The following HIVEP3 variants were observed in gnomAD, a reference collection of about 807,000 sequenced individuals.
HIVEP3 encodes HIVEP zinc finger 3.
HIVEP3 carries 49 observed loss-of-function variants against 152.8 expected under a neutral mutation model. That is an observed-to-expected ratio of 0.32 (90% confidence interval 0.26 to 0.41). The LOEUF (loss-of-function observed/expected upper bound fraction) is 0.41. Among genes scored for constraint, HIVEP3 ranks in the 10% least tolerant of loss-of-function variants. The pLI is 1.00. For synonymous variants in HIVEP3, 1,269 were observed against 1,289.0 expected (o/e 0.98, Z 0.33); for missense variants, 2,790 against 3,103.3 (o/e 0.90, Z 2.40).
At chr1:41,759,640 T>C (rs985661134) in intron 1 of HIVEP3, among the ~76,000 whole-genome samples, 1 of 152,222 alleles carries the variant, frequency 6.6e-6, no homozygotes. Context: ...CCACACTCAC[T>C]CTTATAAGGC....
chr1:41,569,111 C>T (rs565886298), intron 5 of HIVEP3, among the ~76,000 whole-genome samples: 97 of 152,286 alleles, frequency 6.4e-4, no homozygotes, highest in Middle Eastern at 6.8e-3. Context: ...CCCCAGAAGC[C>T]GAGCAGATGC....
At chr1:41,806,680 T>C (rs534041535) in intron 1 of HIVEP3, among the ~76,000 whole-genome samples, 2 of 152,290 alleles carry the variant, frequency 1.3e-5, no homozygotes, top group South Asian at 4.1e-4. Context: ...GGGGAAACTG[T>C]GCTTCCCCTC....
At chr1:41,857,372 T>A (rs1365650790) in intron 1 of HIVEP3, among the ~76,000 whole-genome samples, 2 of 152,150 alleles carry the variant, frequency 1.3e-5, no homozygotes, top group Non-Finnish European at 2.9e-5. Flanking sequence ...AGAGGGTTGG[T>A]CTGATGGTAT....
intron 1 of HIVEP3, among the ~76,000 whole-genome samples, chr1:41,967,155 A>G (rs1645203483): frequency 1.3e-5 from 2 of 152,224 alleles, no homozygotes; most frequent in Admixed American, 1.3e-4. Flanking sequence ...GAAAATTAAT[A>G]AAGATATTCA....
At chr1:41,920,270 C>T (rs766031535), upstream of HIVEP3, among the ~76,000 whole-genome samples, 42 of 152,300 alleles carry the variant, frequency 2.8e-4, no homozygotes, top group Non-Finnish European at 5.9e-4. Flanking sequence ...CTGGCTCTCC[C>T]GCGGCCACCA....
chr1:41,919,419 C>G (rs559986755), upstream of HIVEP3, among the ~76,000 whole-genome samples: 23 of 152,324 alleles, frequency 1.5e-4, no homozygotes, highest in East Asian at 3.3e-3. Context: ...TTGCCCTGCC[C>G]TGCCTTGCTC....
intron 1 of HIVEP3, among the ~76,000 whole-genome samples, chr1:41,850,161 C>G (rs1007676306): frequency 6.6e-6 from 1 of 152,186 alleles, no homozygotes; most frequent in Non-Finnish European, 1.5e-5. Context: ...AACAAGTTCC[C>G]AAGCCCAGCT....
chr1:41,837,622 G>A (rs1018951700), intron 1 of HIVEP3, among the ~76,000 whole-genome samples: 11 of 152,144 alleles, frequency 7.2e-5, no homozygotes, highest in South Asian at 4.1e-4. Context: ...CACCACGCCC[G>A]GCCTGCTCTT....
chr1:41,809,846 A>G (rs1052699473), intron 1 of HIVEP3, among the ~76,000 whole-genome samples: 12 of 152,164 alleles, frequency 7.9e-5, no homozygotes, highest in Non-Finnish European at 1.6e-4. Flanking sequence ...CTGAGAATAA[A>G]TCTGCTGACA....
intron 1 of HIVEP3, among the ~76,000 whole-genome samples, chr1:42,005,175 T>C (rs1342307115): frequency 6.6e-6 from 1 of 152,118 alleles, no homozygotes; most frequent in African/African-American, 2.4e-5. Context: ...TCCCCTTACC[T>C]TGCTCACTGT....
At chr1:41,655,582 CAA>C (rs55918119) in intron 2 of HIVEP3, among the ~76,000 whole-genome samples, 2,283 of 57,310 alleles carry the variant, frequency 0.04, 43 homozygotes, top group African/African-American at 0.14. Flanking sequence ...CACTCCATCT[CAA>C]AAAAAAAAAA....
chr1:41,589,825 C>A lies in HIVEP3; in HGVS notation c.-521-4507G>T, dbSNP rs567315001. Among the ~76,000 whole-genome samples the A allele has an allele frequency of 4.6e-5, 7 of 152,328 alleles. No homozygotes were observed. In the East Asian group the frequency reaches 1.2e-3, roughly 25 times the overall value. On this transcript the variant is annotated intron_variant, in intron 3 of 8. Transcript: ENST00000372583. ...CTTGTAATTTACTTACACACACACA[C>A]CCCCACATATCCCAACATGCCAAAA...
intron 1 of HIVEP3, among the ~76,000 whole-genome samples, chr1:41,878,683 C>T (rs1188878144): frequency 6.7e-6 from 1 of 150,044 alleles, no homozygotes. Context: ...CCCTCCCTTC[C>T]CTCCTCCCTC....
At chr1:41,913,360 T>C (rs1407538536) in intron 1 of HIVEP3, among the ~76,000 whole-genome samples, 1 of 152,232 alleles carries the variant, frequency 6.6e-6, no homozygotes, top group East Asian at 1.9e-4. Flanking sequence ...ATTCTTCTTC[T>C]ATTTAAATCC....
chr1:41,886,126 C>T (rs1394959826), intron 1 of HIVEP3, among the ~76,000 whole-genome samples: 1 of 152,152 alleles, frequency 6.6e-6, no homozygotes, highest in African/African-American at 2.4e-5. Flanking sequence ...TCTTTCAACT[C>T]TGATGTCTCC....
intron 1 of HIVEP3, among the ~76,000 whole-genome samples, chr1:41,900,866 G>A (rs966224435): frequency 2.0e-5 from 3 of 152,120 alleles, no homozygotes; most frequent in African/African-American, 7.2e-5. Context: ...AGGGCCCATC[G>A]CCTGGGGTGG....
At chr1:41,937,691 A>G (rs995057116) in intron 1 of HIVEP3, among the ~76,000 whole-genome samples, 4 of 152,218 alleles carry the variant, frequency 2.6e-5, no homozygotes, top group Non-Finnish European at 1.5e-5. Flanking sequence ...AGTCTAAAAC[A>G]TTGAACCATT....
At chr1:41,868,108 T>C (rs1041617485) in intron 1 of HIVEP3, among the ~76,000 whole-genome samples, 8 of 151,984 alleles carry the variant, frequency 5.3e-5, no homozygotes, top group African/African-American at 1.9e-4. Context: ...CCCTAGCTGA[T>C]ACTAACTCCA....
intron 3 of HIVEP3, among the ~76,000 whole-genome samples, chr1:41,619,052 G>A (rs973764808): frequency 3.3e-5 from 5 of 151,528 alleles, no homozygotes; most frequent in Non-Finnish European, 7.4e-5. Context: ...TCCTTCGGCA[G>A]GACAGCCCAC....
Sources: allele counts gnomAD v4.1 joint callset (sites outside exome capture counted in the v4.1 genomes callset), GRCh38; gene constraint gnomAD v4.1.1; transcripts MANE v1.5; gene names NCBI Gene and HGNC (gene_info 2026-07-23, HGNC 2026-07-21).